Variants in PLAT observed in about 807,000 individuals in gnomAD.
The protein encoded by PLAT is tissue-type plasminogen activator.
Under a neutral mutation model 74.9 loss-of-function variants are expected in PLAT, and 48 were observed. The ratio of observed to expected loss-of-function variants is 0.64; its 90% CI spans 0.51 to 0.82. The LOEUF (loss-of-function observed/expected upper bound fraction) is 0.82, where lower values mean the gene tolerates loss of function less well. Among genes scored for constraint, PLAT ranks in the 40% least tolerant of loss-of-function variants. PLAT has a pLI of 0.00. For synonymous variants in PLAT, 307 were observed against 294.4 expected, an observed-to-expected ratio of 1.04 and a Z score of -0.44; for missense variants, 673 against 736.2, an observed-to-expected ratio of 0.91 and a Z score of 0.99.
chr8:42,194,319 T>A (rs1298529044), intron 1 of PLAT, among the ~76,000 whole-genome samples: 4 of 151,354 alleles, frequency 2.6e-5, no homozygotes, highest in African/African-American at 9.7e-5. Context: ...CAGGCTAGTC[T>A]CGAACTCCTG....
chr8:42,193,232 G>A (rs760662730), intron 1 of PLAT, 21 bp from the exon 2 acceptor site: 1 of 1,499,662 alleles, frequency 6.7e-7, no homozygotes, highest in Non-Finnish European at 9.3e-7. Context: ...AGAAAAAACA[G>A]CTTGATCACG....
intron 12 of PLAT, 41 bp downstream of exon 12, chr8:42,179,885 G>A (rs781717143): frequency 5.9e-6 from 9 of 1,520,860 alleles, no homozygotes. Context: ...CTCCCCTGCT[G>A]TCCCGCAGAC....
chr8:42,204,290 C>T (rs545575798), intron 1 of PLAT, among the ~76,000 whole-genome samples: 21 of 152,042 alleles, frequency 1.4e-4, no homozygotes, highest in Middle Eastern at 6.8e-3. Context: ...CATTTTCTCC[C>T]GTATATACAA....
At chr8:42,202,779 G>C (rs1450139170) in intron 1 of PLAT, among the ~76,000 whole-genome samples, 1 of 152,196 alleles carries the variant, frequency 6.6e-6, no homozygotes, top group Non-Finnish European at 1.5e-5. Flanking sequence ...GTGGAATGTG[G>C]AGGAGGTTGT....
At chr8:42,204,606 T>C (rs1296530458) in intron 1 of PLAT, among the ~76,000 whole-genome samples, 1 of 151,194 alleles carries the variant, frequency 6.6e-6, no homozygotes, top group Non-Finnish European at 1.5e-5. Flanking sequence ...TCCAAGCTAT[T>C]TGGGAGGCTG....
chr8:42,194,241 A>AGAGAGAGAGAGAGAGAGTGT (rs1419569830), intron 1 of PLAT, among the ~76,000 whole-genome samples: 15 of 52,572 alleles, frequency 2.9e-4, no homozygotes, highest in African/African-American at 9.4e-4. Flanking sequence ...AGAGAGAGAG[A>AGAGAGAGAGAGAGAGAGTGT]GTGTGTGTGT....
At chr8:42,180,869 T>G in intron 9 of PLAT, 184 bp from the exon 10 acceptor site, 1 of 542,128 alleles carries the variant, frequency 1.8e-6, no homozygotes, top group Non-Finnish European at 3.2e-6. Context: ...GGCGGAGACG[T>G]TTTTGCCCAA....
At chr8:42,206,077 A>G (rs934917341) in intron 1 of PLAT, among the ~76,000 whole-genome samples, 2 of 152,182 alleles carry the variant, frequency 1.3e-5, no homozygotes, top group Non-Finnish European at 2.9e-5. Flanking sequence ...GTGATGAAGC[A>G]GGGGGAGCCG....
chr8:42,199,928 C>A (rs930781855), intron 1 of PLAT, among the ~76,000 whole-genome samples: 1 of 152,214 alleles, frequency 6.6e-6, no homozygotes, highest in African/African-American at 2.4e-5. Context: ...AACATCACCA[C>A]AAGGTAATTA....
At chr8:42,177,193 G>A (rs1448176322) in intron 13 of PLAT, among the ~76,000 whole-genome samples, 1 of 152,212 alleles carries the variant, frequency 6.6e-6, no homozygotes, top group African/African-American at 2.4e-5. Context: ...CTGACCTCAG[G>A]TGATCTGCCT....
intron 5 of PLAT, 90 bp downstream of exon 5, chr8:42,187,816 C>A: frequency 1.0e-6 from 1 of 960,942 alleles, no homozygotes. Flanking sequence ...CACCCCTGGC[C>A]CTGCCATCGC....
intron 3 of PLAT, 76 bp downstream of exon 3, chr8:42,191,296 T>C: frequency 1.7e-6 from 2 of 1,160,494 alleles, no homozygotes; most frequent in Non-Finnish European, 2.6e-6. Flanking sequence ...AGGCAGGTGG[T>C]GGGTGGGTGA....
At chr8:42,185,056 G>T (rs752725133) in intron 7 of PLAT, 25 bp downstream of exon 7, 5 of 1,519,710 alleles carry the variant, frequency 3.3e-6, no homozygotes, top group African/African-American at 1.4e-5. Flanking sequence ...GACATTCAGG[G>T]AAAGGCGGGG....
At chr8:42,191,861 G>A (rs569672882) in intron 2 of PLAT, among the ~76,000 whole-genome samples, 2 of 152,144 alleles carry the variant, frequency 1.3e-5, no homozygotes, top group South Asian at 4.2e-4. Flanking sequence ...GGAGAGGTGT[G>A]GTTAGTTTGG....
At chr8:42,179,297 G>T (rs1805113202) in intron 12 of PLAT, among the ~76,000 whole-genome samples, 1 of 152,156 alleles carries the variant, frequency 6.6e-6, no homozygotes, top group Non-Finnish European at 1.5e-5. Context: ...GACCAGGGAG[G>T]TCCCTGTTGT....
intron 1 of PLAT, among the ~76,000 whole-genome samples, chr8:42,194,050 C>CTTT (rs59850705): frequency 0.04 from 3,379 of 84,640 alleles, 549 homozygotes; most frequent in African/African-American, 0.16. Context: ...TTTCTTCTTT[C>CTTT]TTTTTTTTTT....
At chr8:42,193,075 A>T in intron 2 of PLAT, 39 bp downstream of exon 2, 1 of 1,433,066 alleles carries the variant, frequency 7.0e-7, no homozygotes, top group Non-Finnish European at 9.8e-7. Context: ...GAAGCATCAC[A>T]GCCTTGAGGG....
At position 42,187,584 on chromosome 8, in the gene PLAT, C is replaced by T. The variant is rs1435915619; in HGVS notation, c.365-12G>A. The T allele has an allele frequency of 1.3e-6, 2 of 1,581,758 alleles. No homozygotes were observed. The highest frequency in any genetic ancestry group is 4.5e-5 in the East Asian group (2 of 44,326). On this transcript the variant is annotated splice_polypyrimidine_tract_variant and intron_variant, in intron 5 of 13. Transcript: ENST00000220809. ...CGTGGCCCTGGTATCTGACAGAGAG[C>T]AGGGCATGGATGCCTCACATGGGAG...
At chr8:42,180,179 T>C in intron 11 of PLAT, 63 bp downstream of exon 11, 1 of 1,602,406 alleles carries the variant, frequency 6.2e-7, no homozygotes. Context: ...TAAACATAGG[T>C]GAGTGCATGT....
Sources: gnomAD v4.1 joint callset for allele counts (sites outside exome capture counted in the v4.1 genomes callset) on GRCh38, gnomAD v4.1.1 for gene constraint, MANE v1.5 for transcripts, NCBI Gene and HGNC (gene_info 2026-07-23, HGNC 2026-07-21) for gene names.